Variants in ARHGEF12 observed in about 807,000 individuals in gnomAD.
The protein encoded by ARHGEF12 is KMT2A/ARHGEF12 fusion protein.
Under a neutral mutation model 211.2 loss-of-function variants are expected in ARHGEF12, and 66 were observed. The observed-to-expected ratio is 0.31, with a 90% CI of 0.26 to 0.38. ARHGEF12 has a LOEUF of 0.38. Among genes scored for constraint, ARHGEF12 ranks in the 10% least tolerant of loss-of-function variants. ARHGEF12 has a pLI of 1.00. For missense variants in ARHGEF12, 1,429 were observed against 1,869.5 expected, an observed-to-expected ratio of 0.76 and a Z score of 4.34; for synonymous variants, 592 against 638.4, an observed-to-expected ratio of 0.93 and a Z score of 1.09.
intron 4 of ARHGEF12, among the ~76,000 whole-genome samples, chr11:120,417,747 C>T (rs1945074490): frequency 6.6e-6 from 1 of 152,162 alleles, no homozygotes. Context: ...CCACCTGTCT[C>T]AGCCTACCAA....
intron 11 of ARHGEF12, among the ~76,000 whole-genome samples, chr11:120,435,401 C>A (rs1945662848): frequency 6.6e-6 from 1 of 151,480 alleles, no homozygotes; most frequent in African/African-American, 2.4e-5. Context: ...ATACTATGTA[C>A]ATCTCATTAT....
At chr11:120,385,106 G>T (rs1943990578) in intron 1 of ARHGEF12, among the ~76,000 whole-genome samples, 1 of 151,870 alleles carries the variant, frequency 6.6e-6, no homozygotes, top group Non-Finnish European at 1.5e-5. Context: ...TTTATGAGAG[G>T]TATTTGGCCT....
chr11:120,351,660 G>A (rs1343857676), intron 1 of ARHGEF12, among the ~76,000 whole-genome samples: 5 of 150,932 alleles, frequency 3.3e-5, no homozygotes, highest in African/African-American at 9.7e-5. Flanking sequence ...TAGTAGAGAC[G>A]GGGTTTCACC....
At chr11:120,403,365 G>T (rs1358030265) in intron 1 of ARHGEF12, among the ~76,000 whole-genome samples, 2 of 152,006 alleles carry the variant, frequency 1.3e-5, no homozygotes, top group African/African-American at 4.8e-5. Flanking sequence ...AAATTAGCTG[G>T]GCATGGTGGC....
chr11:120,412,280 G>C (rs1214959933), intron 4 of ARHGEF12, among the ~76,000 whole-genome samples: 1 of 152,204 alleles, frequency 6.6e-6, no homozygotes, highest in Non-Finnish European at 1.5e-5. Context: ...ACAGATTCCT[G>C]CTAACAGTAT....
intron 22 of ARHGEF12, among the ~76,000 whole-genome samples, chr11:120,451,952 G>A (rs138716077): frequency 5.9e-5 from 9 of 152,198 alleles, no homozygotes; most frequent in African/African-American, 1.9e-4. Context: ...GCTTTGTCCC[G>A]GATGTTAACA....
At chr11:120,395,640 G>A (rs967318915) in intron 1 of ARHGEF12, among the ~76,000 whole-genome samples, 1 of 152,164 alleles carries the variant, frequency 6.6e-6, no homozygotes, top group Non-Finnish European at 1.5e-5. Flanking sequence ...GGCAAGTGAG[G>A]AGCAAAGTCA....
rs1434678140 is a variant in ARHGEF12 at position 120,489,921 on chromosome 11, T to C, written c.*4844T>C. ...CTCCTAGGAATGGAGACAATAAAAC[T>C]CTGTATTTGCATGTGAGCAGTTACT... On this transcript the variant is annotated 3_prime_UTR_variant, in exon 41 of 41. Coordinates refer to ENST00000397843, the MANE Select transcript of ARHGEF12 (RefSeq NM_015313.3). 5.5e-6 allele frequency: 1 copy of C among 180,204 alleles called. No homozygotes were observed. Among genetic ancestry groups the C allele is most frequent in the Non-Finnish European group, 1.2e-5 (1 of 84,270 alleles). 11.2% of individuals were successfully genotyped at this position (180,204 alleles called of 1,614,324 possible). A position where few individuals can be genotyped will look rare whatever the true frequency, so the allele number is the denominator to read the frequency against.
At chr11:120,443,913 A>G (rs1945960022) in intron 15 of ARHGEF12, among the ~76,000 whole-genome samples, 1 of 152,226 alleles carries the variant, frequency 6.6e-6, no homozygotes, top group Admixed American at 6.5e-5. Context: ...CAAGATGTGC[A>G]TAGGTTATAT....
intron 1 of ARHGEF12, among the ~76,000 whole-genome samples, chr11:120,383,312 A>G (rs1943929970): frequency 6.6e-6 from 1 of 152,052 alleles, no homozygotes; most frequent in Non-Finnish European, 1.5e-5. Flanking sequence ...TTTGTTGTAG[A>G]CAGTTTTTCA....
intron 1 of ARHGEF12, among the ~76,000 whole-genome samples, chr11:120,403,098 A>C (rs750359508): frequency 1.3e-5 from 2 of 152,230 alleles, no homozygotes; most frequent in Non-Finnish European, 2.9e-5. Flanking sequence ...TAAAATTAGA[A>C]CTCAGAATTT....
chr11:120,480,495 G>A (rs1947202070), intron 38 of ARHGEF12, 65 bp downstream of exon 38: 1 of 1,460,578 alleles, frequency 6.8e-7, no homozygotes, highest in Non-Finnish European at 9.3e-7. Context: ...CCTGTATTTT[G>A]AAATGGATGT....
chr11:120,482,173 G>T (rs544910678), intron 39 of ARHGEF12, among the ~76,000 whole-genome samples: 8 of 152,304 alleles, frequency 5.3e-5, no homozygotes, highest in Admixed American at 1.3e-4. Flanking sequence ...TAGTTGGCTG[G>T]CCTCTGTCAG....
intron 1 of ARHGEF12, among the ~76,000 whole-genome samples, chr11:120,384,955 A>T (rs1943985826): frequency 6.6e-6 from 1 of 151,446 alleles, no homozygotes; most frequent in Admixed American, 6.6e-5. Flanking sequence ...ACAACAACCG[A>T]ATTTTAAGGT....
At chr11:120,403,288 C>T (rs1027488182) in intron 1 of ARHGEF12, among the ~76,000 whole-genome samples, 1 of 152,158 alleles carries the variant, frequency 6.6e-6, no homozygotes, top group Non-Finnish European at 1.5e-5. Flanking sequence ...AGGCTGATCA[C>T]TTGAGGTCGG....
chr11:120,429,570 A>C, intron 9 of ARHGEF12, 53 bp downstream of exon 9: 2 of 1,589,028 alleles, frequency 1.3e-6, no homozygotes, highest in Non-Finnish European at 1.7e-6. Flanking sequence ...GTGAGTGGGC[A>C]TGGTTGAGTT....
chr11:120,383,459 A>G lies in ARHGEF12; in HGVS notation c.33-22659A>G, dbSNP rs76070561. Reference sequence around the variant, plus strand: ...ATAATGAAATAATTATATACTCACCATAATGTAGAATCAGTGGGAACCCTG... The same window carrying G: ...ATAATGAAATAATTATATACTCACCGTAATGTAGAATCAGTGGGAACCCTG... On this transcript the variant is annotated intron_variant, in intron 1 of 40. Transcript: ENST00000397843. Among the ~76,000 whole-genome samples the G allele has an allele frequency of 2.1e-3, 318 of 152,268 alleles. 1 individual carries two copies. Among genetic ancestry groups the G allele is most frequent in the African/African-American group, 7.1e-3 (296 of 41,560 alleles).
intron 11 of ARHGEF12, among the ~76,000 whole-genome samples, chr11:120,434,309 A>T (rs1036275847): frequency 6.6e-6 from 1 of 152,220 alleles, no homozygotes; most frequent in Non-Finnish European, 1.5e-5. Flanking sequence ...TAATAATCTT[A>T]AAAAAGCAGT....
At chr11:120,424,464 G>C in intron 7 of ARHGEF12, 49 bp downstream of exon 7, 1 of 1,545,926 alleles carries the variant, frequency 6.5e-7, no homozygotes, top group Non-Finnish European at 8.9e-7. Context: ...AACCCTTAAA[G>C]TAAGGAGCAG....
Sources: gnomAD v4.1 joint callset for allele counts (sites outside exome capture counted in the v4.1 genomes callset) on GRCh38, gnomAD v4.1.1 for gene constraint, MANE v1.5 for transcripts, NCBI Gene and HGNC (gene_info 2026-07-23, HGNC 2026-07-21) for gene names.